The following VSIG10 variants were observed in gnomAD, a reference collection of about 807,000 sequenced individuals.
VSIG10 encodes the protein V-set and immunoglobulin domain-containing protein 10.
A neutral mutation model predicts 58.7 loss-of-function variants in VSIG10; 48 were observed. The observed-to-expected ratio is 0.82, with a 90% confidence interval of 0.65 to 1.04. VSIG10 has a LOEUF of 1.04. Ranked by LOEUF, VSIG10 falls within the 50% of genes least tolerant of loss-of-function variation. The probability of loss-of-function intolerance (pLI) is 0.00; values close to 1 mark genes in which losing one functional copy is unlikely to be tolerated. For missense variants in VSIG10, 628 were observed against 670.0 expected, an observed-to-expected ratio of 0.94 and a Z score of 0.69; for synonymous variants, 260 against 267.1, an observed-to-expected ratio of 0.97 and a Z score of 0.26.
In VSIG10 at chr12:118,091,956, A is replaced by T. The variant is rs141594339; in HGVS notation, c.361+3577T>A. On this transcript the variant is annotated intron_variant, in intron 2 of 8. Coordinates refer to ENST00000359236, the MANE Select transcript of VSIG10 (RefSeq NM_019086.6). ...GTATTTTTTGTAGAAACGGGGTTTCACCATGTTAGCCAGGCTGGTCTTGAA... is the reference window on the plus strand; with the variant it reads ...GTATTTTTTGTAGAAACGGGGTTTCTCCATGTTAGCCAGGCTGGTCTTGAA... Among the ~76,000 whole-genome samples, 1,404 of 152,168 alleles carry T rather than the reference A, an allele frequency of 9.2e-3. 22 individuals carry two copies. Among genetic ancestry groups the T allele is most frequent in the African/African-American group, 0.033 (1,363 of 41,528 alleles).
At chr12:118,074,123 C>G in intron 4 of VSIG10, 131 bp from the exon 5 acceptor site, 1 of 1,120,148 alleles carries the variant, frequency 8.9e-7, no homozygotes, top group Non-Finnish European at 1.2e-6. Context: ...TGCTCTGTTG[C>G]CCAGGCTGGA....
intron 4 of VSIG10, among the ~76,000 whole-genome samples, chr12:118,076,432 T>G (rs1341061907): frequency 1.3e-5 from 2 of 150,164 alleles, no homozygotes; most frequent in East Asian, 4.1e-4. Flanking sequence ...TACATTCCCA[T>G]GATCAAATTA....
chr12:118,089,244 C>T (rs2033224799), intron 2 of VSIG10, among the ~76,000 whole-genome samples: 1 of 152,128 alleles, frequency 6.6e-6, no homozygotes, highest in African/African-American at 2.4e-5. Context: ...CCACTGCACC[C>T]AGCCATGAGT....
chr12:118,068,214 T>C (rs888656208), intron 8 of VSIG10, among the ~76,000 whole-genome samples, 163 bp downstream of exon 8: 2 of 145,686 alleles, frequency 1.4e-5, no homozygotes, highest in African/African-American at 2.6e-5. Flanking sequence ...TTTTTTTTTT[T>C]CGTAGAGACA....
At chr12:118,094,608 T>C (rs2033391933) in intron 2 of VSIG10, among the ~76,000 whole-genome samples, 1 of 152,094 alleles carries the variant, frequency 6.6e-6, no homozygotes, top group African/African-American at 2.4e-5. Context: ...GGTCTTGAAC[T>C]CCTGACTTTG....
At chr12:118,070,179 G>A (rs1490837688) in intron 7 of VSIG10, among the ~76,000 whole-genome samples, 3 of 151,994 alleles carry the variant, frequency 2.0e-5, no homozygotes, top group South Asian at 2.1e-4. Context: ...CACAAGTTCC[G>A]TTTGGTTCCT....
intron 1 of VSIG10, 43 bp from the exon 2 acceptor site, chr12:118,095,857 C>A: frequency 6.4e-7 from 1 of 1,556,302 alleles, no homozygotes; most frequent in South Asian, 1.2e-5. Context: ...TTCTTAATTT[C>A]TAAACAATGT....
intron 2 of VSIG10, among the ~76,000 whole-genome samples, chr12:118,092,682 T>C (rs1043975588): frequency 2.0e-5 from 3 of 149,166 alleles, no homozygotes; most frequent in Non-Finnish European, 3.0e-5. Flanking sequence ...TCACCCAGGC[T>C]GGAATGCAGT....
intron 7 of VSIG10, among the ~76,000 whole-genome samples, chr12:118,070,277 G>A (rs2032432629): frequency 6.6e-6 from 1 of 152,196 alleles, no homozygotes; most frequent in Non-Finnish European, 1.5e-5. Flanking sequence ...GCTGGGTGCA[G>A]TGGCTCGTGC....
chr12:118,083,626 A>G (rs150325679), intron 2 of VSIG10, among the ~76,000 whole-genome samples: 193 of 152,152 alleles, frequency 1.3e-3, no homozygotes, highest in African/African-American at 4.0e-3. Context: ...ATGTGCCTAT[A>G]GTCCCAGGCG....
intron 1 of VSIG10, among the ~76,000 whole-genome samples, chr12:118,098,965 C>G (rs2033551497): frequency 6.7e-6 from 1 of 149,980 alleles, no homozygotes; most frequent in South Asian, 2.1e-4. Flanking sequence ...GTCTTGAACT[C>G]CTGACTTCAA....
At position 118,066,055 on chromosome 12, in the gene VSIG10, A is replaced by G. The variant is rs560756060; in HGVS notation, c.*584T>C. 6.5e-6 allele frequency: 1 copy of G among 154,134 alleles called. No homozygotes were observed. Among genetic ancestry groups the G allele is most frequent in the Non-Finnish European group, 1.4e-5 (1 of 69,226 alleles). The allele number at this position is 154,134 out of a possible 1,614,324, so 9.5% of individuals were successfully genotyped here. A position where few individuals can be genotyped will look rare whatever the true frequency, so the allele number is the denominator to read the frequency against. On this transcript the variant is annotated 3_prime_UTR_variant, in exon 9 of 9. Coordinates refer to ENST00000359236, the MANE Select transcript of VSIG10 (RefSeq NM_019086.6). Reference sequence around the variant, plus strand: ...TTCAACTTCAGGTGTTTCTAACTCCAAAGCCTGAACCAAACTGCCTTCCTC... The same window carrying G: ...TTCAACTTCAGGTGTTTCTAACTCCGAAGCCTGAACCAAACTGCCTTCCTC...
chr12:118,069,121 G>C (rs2032375763), intron 7 of VSIG10, among the ~76,000 whole-genome samples: 1 of 144,664 alleles, frequency 6.9e-6, no homozygotes, highest in African/African-American at 2.5e-5. Context: ...ATAGAGTCTT[G>C]CGCTGTTGCC....
At chr12:118,088,947 CTT>C (rs150822972) in intron 2 of VSIG10, among the ~76,000 whole-genome samples, 24 of 142,280 alleles carry the variant, frequency 1.7e-4, no homozygotes, top group Non-Finnish European at 1.5e-4. Context: ...ATTCCTTTTT[CTT>C]TTTTTTTTTT....
intron 5 of VSIG10, among the ~76,000 whole-genome samples, chr12:118,072,024 C>CCAGGTGT (rs2032515895): frequency 6.6e-6 from 1 of 151,964 alleles, no homozygotes; most frequent in Admixed American, 6.6e-5. Flanking sequence ...ACAAAATTAG[C>CCAGGTGT]CAGGTGTGGT....
In VSIG10 at chr12:118,065,627, G is replaced by A. The variant is rs1344336140; in HGVS notation, c.*1012C>T. The A allele has an allele frequency of 6.6e-6, 1 of 152,126 alleles. No homozygotes were observed. Among genetic ancestry groups the A allele is most frequent in the Non-Finnish European group, 1.5e-5 (1 of 68,030 alleles). The allele number at this position is 152,126 out of a possible 1,614,324, so 9.4% of individuals were successfully genotyped here. On this transcript the variant is annotated 3_prime_UTR_variant, in exon 9 of 9. Coordinates refer to ENST00000359236, the MANE Select transcript of VSIG10 (RefSeq NM_019086.6). Reference sequence around the variant, plus strand: ...AAGGAAGTTCCCCTTTAAGCCCTAGGTCCTGCCCACTAGAGCAGATACGCA... The same window carrying A: ...AAGGAAGTTCCCCTTTAAGCCCTAGATCCTGCCCACTAGAGCAGATACGCA...
At chr12:118,091,384 C>T (rs1344382075) in intron 2 of VSIG10, among the ~76,000 whole-genome samples, 2 of 151,280 alleles carry the variant, frequency 1.3e-5, no homozygotes, top group East Asian at 3.9e-4. Flanking sequence ...CCCAGCTACT[C>T]GGGAGGCTGA....
intron 1 of VSIG10, among the ~76,000 whole-genome samples, chr12:118,103,336 TCGGC>T (rs2033667601): frequency 6.6e-6 from 1 of 151,470 alleles, no homozygotes; most frequent in Non-Finnish European, 1.5e-5. Flanking sequence ...TCGGCTCGGC[TCGGC>T]TCCTCTGCAG....
chr12:118,068,812 G>C (rs922812607), intron 7 of VSIG10, among the ~76,000 whole-genome samples: 3 of 152,088 alleles, frequency 2.0e-5, no homozygotes, highest in Admixed American at 1.3e-4. Context: ...TTACTCCCCT[G>C]CTCCTTGGGC....
Sources: allele counts gnomAD v4.1 joint callset (sites outside exome capture counted in the v4.1 genomes callset), GRCh38; gene constraint gnomAD v4.1.1; transcripts MANE v1.5; gene names NCBI Gene and HGNC (gene_info 2026-07-23, HGNC 2026-07-21).